Variants in PTK2B observed in about 807,000 individuals in gnomAD.
PTK2B encodes the protein protein tyrosine kinase 2 beta, also known as protein-tyrosine kinase 2-beta.
In PTK2B, 71 loss-of-function variants were observed where a neutral mutation model predicts 142.9. The observed-to-expected ratio is 0.50, with a 90% confidence interval of 0.41 to 0.61. The LOEUF (loss-of-function observed/expected upper bound fraction) is 0.61. Ranked by LOEUF, PTK2B falls within the 20% of genes least tolerant of loss-of-function variation. PTK2B has a pLI of 0.00. For synonymous variants in PTK2B, 519 were observed against 503.4 expected (o/e 1.03, Z -0.42); for missense variants, 1,105 against 1,320.4 (o/e 0.84, Z 2.53).
intron 2 of PTK2B, among the ~76,000 whole-genome samples, chr8:27,404,051 C>T (rs994146637): frequency 9.9e-5 from 15 of 151,612 alleles, no homozygotes; most frequent in African/African-American, 3.6e-4. Flanking sequence ...AGTTTCTATA[C>T]ATTGCCCAGG....
chr8:27,397,097 A>G (rs1224519072), intron 1 of PTK2B, among the ~76,000 whole-genome samples: 2 of 151,942 alleles, frequency 1.3e-5, no homozygotes, highest in African/African-American at 4.8e-5. Flanking sequence ...TTCTTCTCCA[A>G]TCTGTTTCTT....
At position 27,451,045 on chromosome 8, in the gene PTK2B, C is replaced by T; in HGVS notation, c.2490C>T (p.Asp830=). Residue 830 remains aspartate, a splice_region_variant and synonymous_variant, in exon 26 of 31, where the codon GAC becomes GAT. Coordinates refer to ENST00000346049, the MANE Select transcript of PTK2B (RefSeq NM_173176.3). ...QWLRQEEKSL[D]PMVYMNDKSP... ...CGCTCTTGTTTCTTCCTCTGCAGGA[C>T]CCCATGGTTTATATGAATGATAAGT... 6.2e-7 allele frequency: 1 copy of T among 1,612,556 alleles called. No individual in the cohort carries two copies. Among genetic ancestry groups the T allele is most frequent in the East Asian group, 2.2e-5 (1 of 44,864 alleles).
chr8:27,431,330 T>C (rs1810406680), intron 8 of PTK2B, 68 bp from the exon 9 acceptor site: 1 of 1,610,574 alleles, frequency 6.2e-7, no homozygotes, highest in African/African-American at 1.3e-5. Flanking sequence ...TTAGGGAGCT[T>C]TTCTTCAAGT....
rs576417562 is a variant in PTK2B, at chr8:27,372,955, A to T, written c.-37-24593A>T. On this transcript the variant is annotated intron_variant, in intron 1 of 30. Coordinates refer to ENST00000346049, the MANE Select transcript of PTK2B (RefSeq NM_173176.3). ...TTTCCAAAGTCTATGTGGCCACTTC[A>T]AGTCTTCTCTTGAAAGACTAGAAGT... is the stretch of plus-strand genomic sequence containing the variant. Among the ~76,000 whole-genome samples the T allele has an allele frequency of 1.2e-3, 176 of 152,198 alleles. 1 individual carries two copies. The highest frequency in any genetic ancestry group is 3.8e-3 in the African/African-American group (158 of 41,528).
chr8:27,437,668 GC>G, intron 17 of PTK2B, 96 bp from the exon 18 acceptor site: 1 of 1,308,190 alleles, frequency 7.6e-7, no homozygotes, highest in Non-Finnish European at 1.1e-6. Context: ...GTCTCCCACC[GC>G]CCCCAGGGAA....
At position 27,450,755 on chromosome 8, in the gene PTK2B, G is replaced by A. The variant is rs367803850; in HGVS notation, c.2347G>A (p.Asp783Asn). ...VFKRHSMREEDFIQPSSREEA... is the reference protein window; with the variant it reads ...VFKRHSMREENFIQPSSREEA... Reference sequence around the variant, plus strand: ...CTCTCTGCCGTCCTCCCAGGAGGAGGACTTCATCCAACCCAGCAGCCGAGA... The same window carrying A: ...CTCTCTGCCGTCCTCCCAGGAGGAGAACTTCATCCAACCCAGCAGCCGAGA... Residue 783 changes from aspartate to asparagine, a missense_variant, in exon 25 of 31, where the codon GAC becomes AAC. Asp to Asn is a conservative substitution (Grantham distance 23). Transcript: ENST00000346049. The A allele has an allele frequency of 1.9e-6, 3 of 1,614,084 alleles. No individual in the cohort carries two copies. The highest frequency in any genetic ancestry group is 1.3e-5 in the African/African-American group (1 of 74,934).
intron 29 of PTK2B, 45 bp from the exon 30 acceptor site, chr8:27,454,486 C>T (rs763523614): frequency 1.3e-6 from 2 of 1,597,794 alleles, no homozygotes; most frequent in Non-Finnish European, 1.7e-6. Context: ...CTGGCTCTCT[C>T]CAATAGCTAG....
chr8:27,437,486 C>T lies in PTK2B; in HGVS notation c.1517C>T (p.Pro506Leu), dbSNP rs921254529. The T allele has an allele frequency of 3.1e-6, 5 of 1,607,476 alleles. No individual in the cohort carries two copies. In the Admixed American group the frequency reaches 5.1e-5, roughly 16 times the overall value. ...EPTWIIMELY[P>L]YGELGHYLER... ...ACCTGGATCATCATGGAATTGTATC[C>T]CTATGGGGAGGTGAGCTGGAGGACC... Residue 506 changes from proline to leucine, a missense_variant, in exon 17 of 31, where the codon CCC becomes CTC. By Grantham distance (98) the Pro-to-Leu change is moderately conservative. Transcript: ENST00000346049.
chr8:27,401,573 C>G (rs1414933344), intron 2 of PTK2B, among the ~76,000 whole-genome samples: 2 of 152,196 alleles, frequency 1.3e-5, no homozygotes, highest in Non-Finnish European at 2.9e-5. Context: ...GCGGAGGGAA[C>G]AGCATGTGTA....
intron 5 of PTK2B, among the ~76,000 whole-genome samples, chr8:27,426,423 G>A (rs959227637): frequency 6.6e-6 from 1 of 152,216 alleles, no homozygotes; most frequent in Non-Finnish European, 1.5e-5. Context: ...CTCACTCAGT[G>A]TTGGCGGTCC....
chr8:27,435,767 C>A lies in PTK2B; in HGVS notation c.1217C>A (p.Pro406His), dbSNP rs201712625. The part of the protein sequence containing the change: ...SIESDIYAEI[P>H]DETLRRPGGP... ...GAGTCAGACATCTACGCAGAGATTC[C>A]CGACGAAACCCTGCGAAGGCCCGGA... Residue 406 changes from proline (P) to histidine (H), a missense_variant, in exon 14 of 31, where the codon CCC becomes CAC. Pro to His is a moderately conservative substitution (Grantham distance 77). Transcript: ENST00000346049. 1 of 1,614,128 alleles carries A rather than the reference C, an allele frequency of 6.2e-7. No homozygotes were observed.
chr8:27,454,124 A>G (rs767232487), intron 28 of PTK2B, 30 bp from the exon 29 acceptor site: 5 of 1,613,448 alleles, frequency 3.1e-6, no homozygotes, highest in East Asian at 2.2e-5. Context: ...GCTCTCCCCA[A>G]CTCACTGGCC....
At chr8:27,362,671 C>A (rs1431421367) in intron 1 of PTK2B, among the ~76,000 whole-genome samples, 3 of 151,614 alleles carry the variant, frequency 2.0e-5, no homozygotes, top group Non-Finnish European at 4.4e-5. Flanking sequence ...CCTTGCCAAA[C>A]CCCCTTTGTA....
chr8:27,315,615 T>A (rs957332550), intron 3 of PTK2B, among the ~76,000 whole-genome samples: 1 of 151,974 alleles, frequency 6.6e-6, no homozygotes, highest in Non-Finnish European at 1.5e-5. Context: ...TACCTGATCT[T>A]CCTTATTTTG....
intron 1 of PTK2B, among the ~76,000 whole-genome samples, chr8:27,362,302 CACAG>C (rs1455856724): frequency 6.6e-6 from 1 of 152,188 alleles, no homozygotes; most frequent in Non-Finnish European, 1.5e-5. Context: ...GGGCGTGACT[CACAG>C]GCAGGCCCTA....
At chr8:27,357,130 G>A (rs908195934) in intron 1 of PTK2B, among the ~76,000 whole-genome samples, 7 of 152,214 alleles carry the variant, frequency 4.6e-5, no homozygotes, top group African/African-American at 7.2e-5. Flanking sequence ...TTATATGAAT[G>A]TCAGTTTCCT....
intron 1 of PTK2B, among the ~76,000 whole-genome samples, chr8:27,333,087 C>T (rs1312239874): frequency 2.6e-5 from 4 of 152,154 alleles, no homozygotes; most frequent in East Asian, 1.9e-4. Context: ...CTGGAGGAGA[C>T]GGCATTTGGC....
chr8:27,330,193 G>A (rs1022722674), intron 1 of PTK2B, among the ~76,000 whole-genome samples: 40 of 152,128 alleles, frequency 2.6e-4, no homozygotes, highest in African/African-American at 9.2e-4. Flanking sequence ...AATAATAATA[G>A]CGTCGAAGTA....
intron 5 of PTK2B, 111 bp downstream of exon 5, chr8:27,422,494 A>T (rs1809824666): frequency 2.9e-6 from 3 of 1,039,966 alleles, no homozygotes; most frequent in Admixed American, 3.3e-5. Context: ...GGGAGCCAGG[A>T]AGGGGAGAGG....
Sources: allele counts gnomAD v4.1 joint callset (sites outside exome capture counted in the v4.1 genomes callset), GRCh38; gene constraint gnomAD v4.1.1; transcripts MANE v1.5; gene names NCBI Gene and HGNC (gene_info 2026-07-23, HGNC 2026-07-21).